Variants in FBXO39 observed in about 807,000 individuals in gnomAD.
FBXO39 encodes the protein F-box only protein 39.
In FBXO39, 22 loss-of-function variants were observed where a neutral mutation model predicts 36.6. That is an observed-to-expected ratio of 0.60 (90% CI 0.43 to 0.86). The LOEUF (loss-of-function observed/expected upper bound fraction) is 0.86, where lower values mean the gene tolerates loss of function less well. Ranked by LOEUF, FBXO39 falls within the 40% of genes least tolerant of loss-of-function variation. The probability of loss-of-function intolerance (pLI) is 0.00; values close to 1 mark genes in which losing one functional copy is unlikely to be tolerated. For missense variants in FBXO39, 536 were observed against 543.9 expected (o/e 0.99, Z 0.14); for synonymous variants, 206 against 205.8 (o/e 1.00, Z -0.01).
At chr17:6,779,084 T>G (rs1976470123) in intron 1 of FBXO39, among the ~76,000 whole-genome samples, 1 of 152,132 alleles carries the variant, frequency 6.6e-6, no homozygotes, top group Non-Finnish European at 1.5e-5. Flanking sequence ...CTCTTGAATT[T>G]TACACAACTG....
In FBXO39 at chr17:6,781,768, C is replaced by G. The variant is rs183591394; in HGVS notation, c.1023+877C>G. Among the ~76,000 whole-genome samples the G allele has an allele frequency of 1.6e-3, 242 of 152,304 alleles. 1 individual carries two copies. Among genetic ancestry groups the G allele is most frequent in the Admixed American group, 3.5e-3 (53 of 15,296 alleles). On this transcript the variant is annotated intron_variant, in intron 2 of 3. Coordinates refer to ENST00000321535, the MANE Select transcript of FBXO39 (RefSeq NM_153230.3). Reference sequence around the variant, plus strand: ...CACCATCATTCTCAAATCTCTTCCTCTAAGAACTACATGTCCAATGTCCCT... The same window carrying G: ...CACCATCATTCTCAAATCTCTTCCTGTAAGAACTACATGTCCAATGTCCCT...
In FBXO39 at chr17:6,779,925, G is replaced by A. The variant is rs772227770; in HGVS notation, c.57G>A (p.Leu19=). 1.9e-6 allele frequency: 3 copies of A among 1,614,192 alleles called. No individual in the cohort carries two copies. The East Asian group carries it at 6.7e-5, about 36-fold the overall frequency. The part of the protein sequence containing the change: ...QPQDQSCWAF[L]PDLCLCRVFW... Reference sequence around the variant, plus strand: ...AAGACCAGAGCTGCTGGGCCTTTCTGCCCGATTTGTGTCTGTGCCGTGTTT... The same window carrying A: ...AAGACCAGAGCTGCTGGGCCTTTCTACCCGATTTGTGTCTGTGCCGTGTTT... Residue 19 remains leucine (L), a synonymous_variant, in exon 2 of 4, where the codon CTG becomes CTA. Transcript: ENST00000321535.
intron 1 of FBXO39, among the ~76,000 whole-genome samples, chr17:6,777,224 G>A (rs989904685): frequency 1.3e-5 from 2 of 151,940 alleles, no homozygotes; most frequent in Non-Finnish European, 2.9e-5. Flanking sequence ...AGCCCCGCAT[G>A]CATTAGGTAT....
At chr17:6,779,539 A>G (rs1399130101) in intron 1 of FBXO39, among the ~76,000 whole-genome samples, 2 of 152,154 alleles carry the variant, frequency 1.3e-5, no homozygotes, top group Non-Finnish European at 2.9e-5. Context: ...GTCACCCTGC[A>G]TGTGTGCTAC....
At chr17:6,782,945 T>G (rs1482680131) in intron 2 of FBXO39, among the ~76,000 whole-genome samples, 1 of 152,036 alleles carries the variant, frequency 6.6e-6, no homozygotes, top group Non-Finnish European at 1.5e-5. Context: ...TTACAGAAAA[T>G]TTCATCCAAT....
rs150271375 is a variant in FBXO39 at position 6,780,128 on chromosome 17, G to A, written c.260G>A (p.Arg87His). 8.4e-4 allele frequency: 1,362 copies of A among 1,614,182 alleles called. 3 individuals carry two copies. Among genetic ancestry groups the A allele is most frequent in the Admixed American group, 2.9e-3 (174 of 60,032 alleles). ...GTTTGGTATGTTAAGAAGTTTGGTC[G>A]TTATCTGGAGCACCTGGAGGTCAAA... ...SAVWYVKKFG[R>H]YLEHLEVKFM... Residue 87 changes from arginine (R) to histidine (H), a missense_variant, in exon 2 of 4, where the codon CGT becomes CAT. Physicochemically the swap from Arg to His is conservative, Grantham distance 29. Transcript: ENST00000321535.
chr17:6,785,826 G>A (rs575512775), intron 2 of FBXO39, among the ~76,000 whole-genome samples: 2 of 152,118 alleles, frequency 1.3e-5, no homozygotes, highest in African/African-American at 2.4e-5. Flanking sequence ...CAGTTAAAAC[G>A]ATTTTTATTC....
intron 2 of FBXO39, 58 bp from the exon 3 acceptor site, chr17:6,786,722 A>G (rs1187823902): frequency 6.8e-6 from 10 of 1,461,484 alleles, no homozygotes; most frequent in Non-Finnish European, 2.8e-6. Context: ...TTACAGAACA[A>G]CTCAGCCAGG....
In FBXO39 at chr17:6,779,826, G is replaced by T; in HGVS notation, c.-43G>T. Reference sequence around the variant, plus strand: ...TGCTTTCCTTTCCTCATTTTTGGAAGCCCTGCCTAACACACAGCTGCACTG... The same window carrying T: ...TGCTTTCCTTTCCTCATTTTTGGAATCCCTGCCTAACACACAGCTGCACTG... On this transcript the variant is annotated 5_prime_UTR_variant, in exon 2 of 4. Coordinates refer to ENST00000321535, the MANE Select transcript of FBXO39 (RefSeq NM_153230.3). 1 of 1,566,286 alleles carries T rather than the reference G, an allele frequency of 6.4e-7. No individual in the cohort carries two copies.
chr17:6,777,812 C>T (rs1465357115), intron 1 of FBXO39, among the ~76,000 whole-genome samples: 3 of 152,168 alleles, frequency 2.0e-5, no homozygotes, highest in Non-Finnish European at 4.4e-5. Context: ...AAGCTAAATA[C>T]GGACACAGCC....
chr17:6,778,559 C>G (rs530337101), intron 1 of FBXO39, among the ~76,000 whole-genome samples: 1 of 152,264 alleles, frequency 6.6e-6, no homozygotes, highest in Non-Finnish European at 1.5e-5. Flanking sequence ...ATTCTCAGGT[C>G]TCTTTCCAGC....
rs1272503260 is a variant in FBXO39 at position 6,783,467 on chromosome 17, A to G, written c.1023+2576A>G. On this transcript the variant is annotated intron_variant, in intron 2 of 3. Transcript: ENST00000321535. The stretch of plus-strand genomic sequence containing the variant: ...AAATAATGCAAAAGATCAGTGAAAT[A>G]AAAGCTTTTTGAAAAATAAACAAAA... Among the ~76,000 whole-genome samples, 3 of 151,966 alleles carry G rather than the reference A, an allele frequency of 2.0e-5. No individual in the cohort carries two copies. The East Asian group carries it at 5.8e-4, about 29-fold the overall frequency.
chr17:6,785,231 A>G lies in FBXO39; in HGVS notation c.1024-1549A>G, dbSNP rs150656793. Among the ~76,000 whole-genome samples the G allele has an allele frequency of 2.2e-3, 333 of 152,272 alleles. 2 individuals are homozygous for G. Among genetic ancestry groups the G allele is most frequent in the African/African-American group, 7.3e-3 (304 of 41,562 alleles). On this transcript the variant is annotated intron_variant, in intron 2 of 3. Transcript: ENST00000321535. ...TGTTTGACAAAGATGCCAAAACCAT[A>G]CATTGGGAAAAGGACGATCTCCTCT... is the stretch of plus-strand genomic sequence containing the variant.
chr17:6,787,242 G>T, intron 3 of FBXO39, 58 bp from the exon 4 acceptor site: 3 of 1,564,134 alleles, frequency 1.9e-6, no homozygotes, highest in Middle Eastern at 3.4e-4. Flanking sequence ...GTGTGTATGT[G>T]TGTGTGTGTG....
chr17:6,786,865 A>G lies in FBXO39; in HGVS notation c.1109A>G (p.Tyr370Cys), dbSNP rs1976579251. ...LLIISCRKLF[Y>C]FKIWAFLDVS... is the part of the protein sequence containing the mutation. The stretch of plus-strand genomic sequence containing the variant: ...ATCATATCCTGCAGGAAGTTGTTTT[A>G]CTTCAAAATCTGGGCTTTCCTTGAT... Residue 370 changes from tyrosine to cysteine, a missense_variant, in exon 3 of 4, where the codon TAC becomes TGC. Transcript: ENST00000321535. 6.2e-7 allele frequency: 1 copy of G among 1,614,006 alleles called. No individual in the cohort carries two copies. The highest frequency in any genetic ancestry group is 1.7e-5 in the Admixed American group (1 of 59,988).
rs200058448 is a variant in FBXO39, at chr17:6,780,482, G to C, written c.614G>C (p.Ser205Thr). 1.4e-5 allele frequency: 22 copies of C among 1,614,102 alleles called. No homozygotes were observed. The East Asian group carries it at 4.9e-4, about 36-fold the overall frequency. The change falls in exon 2 of 4, where the codon AGC (serine) becomes ACC (threonine). Residue 205 changes from serine to threonine, a missense_variant. Coordinates refer to ENST00000321535, the MANE Select transcript of FBXO39 (RefSeq NM_153230.3). ...GAGCTCAACATCGAGGACTATTTCA[G>C]CCATCACCTTGCTGTCTACAACAGC... is the stretch of plus-strand genomic sequence containing the variant. ...ISELNIEDYF[S>T]HHLAVYNSPQ...
At chr17:6,787,049 G>A in intron 3 of FBXO39, 93 bp downstream of exon 3, 3 of 1,416,930 alleles carry the variant, frequency 2.1e-6, no homozygotes, top group Non-Finnish European at 1.9e-6. Context: ...TAAGGCAGTG[G>A]GGGACAATCA....
In FBXO39 at chr17:6,786,831, C is replaced by T. The variant is rs1976578607; in HGVS notation, c.1075C>T (p.His359Tyr). 1.2e-6 allele frequency: 2 copies of T among 1,613,494 alleles called. No homozygotes were observed. The highest frequency in any genetic ancestry group is 1.7e-6 in the Non-Finnish European group (2 of 1,179,732). ...NNHESLDEEL[H>Y]LLIISCRKLF... Reference sequence around the variant, plus strand: ...CCATGAGTCACTCGACGAGGAGCTGCACCTCCTCATCATATCCTGCAGGAA... The same window carrying T: ...CCATGAGTCACTCGACGAGGAGCTGTACCTCCTCATCATATCCTGCAGGAA... The change falls in exon 3 of 4, where the codon CAC becomes TAC. Residue 359 changes from histidine to tyrosine, a missense_variant. Physicochemically the swap from His to Tyr is moderately conservative, Grantham distance 83 (BLOSUM62 2). Coordinates refer to ENST00000321535, the MANE Select transcript of FBXO39 (RefSeq NM_153230.3).
intron 1 of FBXO39, among the ~76,000 whole-genome samples, chr17:6,776,771 T>A (rs906573420): frequency 6.6e-6 from 1 of 152,060 alleles, no homozygotes; most frequent in African/African-American, 2.4e-5. Flanking sequence ...GCTCACTTAA[T>A]CCTCCCAACA....
Sources: gnomAD v4.1 joint callset for allele counts (sites outside exome capture counted in the v4.1 genomes callset) on GRCh38, gnomAD v4.1.1 for gene constraint, MANE v1.5 for transcripts, NCBI Gene and HGNC (gene_info 2026-07-23, HGNC 2026-07-21) for gene names.